The following NOL10 variants were observed in gnomAD, a reference collection of about 807,000 sequenced individuals.
NOL10 encodes H_NH0074G24.1.
Under a neutral mutation model 103.5 loss-of-function variants are expected in NOL10, and 58 were observed. The observed-to-expected ratio is 0.56, with a 90% CI of 0.45 to 0.70. The LOEUF (loss-of-function observed/expected upper bound fraction) is 0.70, where lower values mean the gene tolerates loss of function less well. NOL10 is among the 30% of genes least tolerant of loss of function. The pLI is 0.00. For synonymous variants in NOL10, 287 were observed against 282.5 expected (o/e 1.02, Z -0.16); for missense variants, 763 against 807.3 (o/e 0.95, Z 0.67).
At chr2:10,589,841 T>A (rs1675305848) in intron 17 of NOL10, 90 bp from the exon 18 acceptor site, 1 of 771,016 alleles carries the variant, frequency 1.3e-6, no homozygotes, top group Non-Finnish European at 1.9e-6. Context: ...GATTCTATTA[T>A]AAGTTAATAA....
intron 16 of NOL10, among the ~76,000 whole-genome samples, chr2:10,601,547 C>A (rs1274742899): frequency 1.3e-5 from 2 of 151,952 alleles, no homozygotes; most frequent in Non-Finnish European, 2.9e-5. Context: ...AGCGCAATGG[C>A]TCATGACTGT....
intron 13 of NOL10, among the ~76,000 whole-genome samples, chr2:10,618,807 G>A (rs183560494): frequency 6.6e-6 from 1 of 152,272 alleles, no homozygotes; most frequent in East Asian, 1.9e-4. Context: ...AAAGGGAGGT[G>A]ACAGGAAACT....
chr2:10,637,810 C>G (rs1678366193), intron 13 of NOL10, among the ~76,000 whole-genome samples: 1 of 152,166 alleles, frequency 6.6e-6, no homozygotes, highest in South Asian at 2.1e-4. Context: ...CGCAGAAGCA[C>G]TAGTGCAAGT....
chr2:10,573,262 C>T (rs1254423648), intron 20 of NOL10, among the ~76,000 whole-genome samples: 2 of 152,042 alleles, frequency 1.3e-5, no homozygotes, highest in African/African-American at 4.8e-5. Context: ...GGTACAATCT[C>T]GACTCACTGC....
rs539716269 is a variant in NOL10, at chr2:10,668,397, C to A, written c.530+261G>T. 7.8e-4 allele frequency among the ~76,000 whole-genome samples: 117 copies of A among 150,298 alleles called. 1 individual carries two copies. Among genetic ancestry groups the A allele is most frequent in the Non-Finnish European group, 1.4e-3 (98 of 67,988 alleles). ...ACCATGAATGTAAATTTAAAGAACA[C>A]TACAAGTAATAATAATAAACTGAGT... is the stretch of plus-strand genomic sequence containing the variant. On this transcript the variant is annotated intron_variant, in intron 7 of 20. Transcript: ENST00000381685.
At chr2:10,597,261 T>C (rs1675740954) in intron 17 of NOL10, among the ~76,000 whole-genome samples, 1 of 152,180 alleles carries the variant, frequency 6.6e-6, no homozygotes, top group Non-Finnish European at 1.5e-5. Flanking sequence ...ACAGTAAACA[T>C]CTTATTCGAT....
intron 19 of NOL10, among the ~76,000 whole-genome samples, chr2:10,583,153 G>C (rs1674847511): frequency 6.6e-6 from 1 of 152,168 alleles, no homozygotes; most frequent in Non-Finnish European, 1.5e-5. Context: ...GACAACTCCA[G>C]TATCTTTACT....
chr2:10,611,520 A>T (rs1305496527), intron 13 of NOL10, among the ~76,000 whole-genome samples: 1 of 152,250 alleles, frequency 6.6e-6, no homozygotes, highest in Non-Finnish European at 1.5e-5. Context: ...GCAATGGCTC[A>T]CGCCTAATCT....
intron 3 of NOL10, among the ~76,000 whole-genome samples, chr2:10,680,029 C>G (rs1331551420): frequency 6.6e-6 from 1 of 151,928 alleles, no homozygotes; most frequent in African/African-American, 2.4e-5. Context: ...AATCCCAGCA[C>G]TTTGGAAGGG....
chr2:10,634,769 G>C (rs900763979), intron 13 of NOL10, among the ~76,000 whole-genome samples: 1 of 152,178 alleles, frequency 6.6e-6, no homozygotes, highest in African/African-American at 2.4e-5. Context: ...AGCCAGTGAA[G>C]ACTGAAAAGA....
intron 10 of NOL10, 94 bp from the exon 11 acceptor site, chr2:10,657,985 C>G (rs921939857): frequency 1.9e-5 from 18 of 961,070 alleles, no homozygotes; most frequent in Non-Finnish European, 2.1e-5. Flanking sequence ...TTTGCTTCAT[C>G]GCTTTGTTAT....
At chr2:10,669,481 TACACACACAC>T (rs1224265658) in intron 6 of NOL10, among the ~76,000 whole-genome samples, 1 of 132,428 alleles carries the variant, frequency 7.6e-6, no homozygotes, top group Admixed American at 8.9e-5. Context: ...TATATATATA[TACACACACAC>T]ACACATACAC....
rs540381081 is a variant in NOL10 at position 10,577,373 on chromosome 2, A to G, written c.1947+263T>C. Among the ~76,000 whole-genome samples the G allele has an allele frequency of 7.2e-5, 11 of 152,312 alleles. No homozygotes were observed. In the South Asian group the frequency reaches 2.1e-3, roughly 29 times the overall value. ...ATCCAGAAACCAAGACGGCTGGTTC[A>G]TCTCCAACAGAGCTAACTCCAGGGC... is the stretch of plus-strand genomic sequence containing the variant. On this transcript the variant is annotated intron_variant, in intron 20 of 20. Transcript: ENST00000381685.
chr2:10,681,922 C>A, intron 3 of NOL10, 49 bp downstream of exon 3: 2 of 794,876 alleles, frequency 2.5e-6, no homozygotes, highest in Non-Finnish European at 3.7e-6. Context: ...CCCATCGCAG[C>A]ATTTCCTGGT....
At chr2:10,596,909 C>T (rs959961188) in intron 17 of NOL10, among the ~76,000 whole-genome samples, 3 of 152,226 alleles carry the variant, frequency 2.0e-5, no homozygotes, top group Non-Finnish European at 4.4e-5. Context: ...CCATGCCTCT[C>T]AAAGCTGTTT....
chr2:10,619,598 T>C (rs892447082), intron 13 of NOL10, among the ~76,000 whole-genome samples: 3 of 152,200 alleles, frequency 2.0e-5, no homozygotes, highest in African/African-American at 7.2e-5. Flanking sequence ...GCTTTACATA[T>C]CTGTCTGCTT....
intron 12 of NOL10, among the ~76,000 whole-genome samples, chr2:10,650,948 G>A (rs1355824005): frequency 6.6e-6 from 1 of 152,078 alleles, no homozygotes; most frequent in Non-Finnish European, 1.5e-5. Flanking sequence ...GTCGTCAGTG[G>A]TGGCATTTCA....
At chr2:10,665,979 C>T (rs1450833890) in intron 8 of NOL10, among the ~76,000 whole-genome samples, 1 of 152,106 alleles carries the variant, frequency 6.6e-6, no homozygotes, top group Admixed American at 6.6e-5. Flanking sequence ...TGACTGATCC[C>T]GTCACCCAGG....
intron 6 of NOL10, among the ~76,000 whole-genome samples, chr2:10,669,481 TACACACACACACACATACACACACAC>T (rs1680779760): frequency 1.5e-5 from 2 of 132,426 alleles, no homozygotes; most frequent in Non-Finnish European, 3.1e-5. Context: ...TATATATATA[TACACACACACACACATACACACACAC>T]ATATATACAC....
Sources: allele counts gnomAD v4.1 joint callset (sites outside exome capture counted in the v4.1 genomes callset), GRCh38; gene constraint gnomAD v4.1.1; transcripts MANE v1.5; gene names NCBI Gene and HGNC (gene_info 2026-07-23, HGNC 2026-07-21).